CBFA2T2: variants seen among roughly 807,000 people sequenced by gnomAD.
CBFA2T2 encodes the protein protein CBFA2T2.
Under a neutral mutation model 62.2 loss-of-function variants are expected in CBFA2T2, and 11 were observed. The ratio of observed to expected loss-of-function variants is 0.18; its 90% CI spans 0.11 to 0.29. The LOEUF is 0.29. Among genes scored for constraint, CBFA2T2 ranks in the 10% least tolerant of loss-of-function variants. The pLI is 1.00. For synonymous variants in CBFA2T2, 295 were observed against 287.5 expected (o/e 1.03, Z -0.27); for missense variants, 592 against 774.1 (o/e 0.76, Z 2.79).
At chr20:33,536,810 G>C (rs1334787205) in intron 1 of CBFA2T2, among the ~76,000 whole-genome samples, 1 of 150,420 alleles carries the variant, frequency 6.6e-6, no homozygotes, top group Non-Finnish European at 1.5e-5. Context: ...TAGATGGGAT[G>C]GCGGCCGGGA....
At chr20:33,621,912 A>G (rs1447863506) in intron 4 of CBFA2T2, among the ~76,000 whole-genome samples, 2 of 152,164 alleles carry the variant, frequency 1.3e-5, no homozygotes, top group East Asian at 1.9e-4. Flanking sequence ...TGCTGGTTCT[A>G]TCTTGGTCTC....
Position 33,645,001 on chromosome 20 carries a change from C to A in CBFA2T2, c.*355C>A. Reference sequence around the variant, plus strand: ...CAGCAGACTGTCCAATGTGCTCAGCCAGGCTGGAGGCGGCAGGCGGCAGGC... The same window carrying A: ...CAGCAGACTGTCCAATGTGCTCAGCAAGGCTGGAGGCGGCAGGCGGCAGGC... On this transcript the variant is annotated 3_prime_UTR_variant, in exon 11 of 11. Transcript: ENST00000342704. 4.6e-6 allele frequency: 1 copy of A among 216,438 alleles called. No individual in the cohort carries two copies. 13.4% of individuals were successfully genotyped at this position (216,438 alleles called of 1,614,324 possible).
intron 1 of CBFA2T2, among the ~76,000 whole-genome samples, chr20:33,600,713 C>T (rs901301959): frequency 1.3e-5 from 2 of 152,056 alleles, no homozygotes; most frequent in African/African-American, 2.4e-5. Flanking sequence ...GCCTGGCCGT[C>T]GTACATGGTA....
At chr20:33,494,243 G>GTGTGTATATATATATATA (rs1491431819) in intron 1 of CBFA2T2, among the ~76,000 whole-genome samples, 1 of 30,306 alleles carries the variant, frequency 3.3e-5, no homozygotes, top group Admixed American at 7.5e-4. Flanking sequence ...ATATATATGT[G>GTGTGTATATATATATATA]TATATATATA....
intron 1 of CBFA2T2, among the ~76,000 whole-genome samples, chr20:33,585,742 T>C (rs2014335385): frequency 6.6e-6 from 1 of 152,236 alleles, no homozygotes; most frequent in South Asian, 2.1e-4. Context: ...AATTGGATAC[T>C]GGAACTAATG....
At chr20:33,595,776 TCGATCCA>T (rs980767892) in intron 1 of CBFA2T2, among the ~76,000 whole-genome samples, 1 of 150,778 alleles carries the variant, frequency 6.6e-6, no homozygotes, top group Non-Finnish European at 1.5e-5. Flanking sequence ...CTGAGCTGAC[TCGATCCA>T]CCTGCCTCAG....
intron 1 of CBFA2T2, among the ~76,000 whole-genome samples, chr20:33,593,641 C>T (rs1467447931): frequency 6.6e-6 from 1 of 152,078 alleles, no homozygotes. Context: ...GATCTGCCTG[C>T]CTCCGCCTCC....
intron 1 of CBFA2T2, among the ~76,000 whole-genome samples, chr20:33,545,612 A>G (rs2012541814): frequency 1.3e-5 from 2 of 152,110 alleles, no homozygotes; most frequent in Admixed American, 6.6e-5. Context: ...ATGCCTGGCT[A>G]ATTTTTTGTA....
In CBFA2T2 at chr20:33,646,858, CT is replaced by C; in HGVS notation, c.*2213del. On this transcript the variant is annotated 3_prime_UTR_variant, in exon 11 of 11. Transcript: ENST00000342704. Reference sequence around the variant, plus strand: ...CCTGGGCAACAGAGCAAAACTCTGTCTCAAAAAAAAAAAAAAAAAGGCAAAA... The same window carrying C: ...CCTGGGCAACAGAGCAAAACTCTGTCCAAAAAAAAAAAAAAAAAGGCAAAA... The C allele has an allele frequency of 7.7e-6, 1 of 130,582 alleles. No individual in the cohort carries two copies. The allele number at this position is 130,582 out of a possible 1,614,324, so 8.1% of individuals were successfully genotyped here.
intron 1 of CBFA2T2, among the ~76,000 whole-genome samples, chr20:33,577,010 A>G (rs1231966087): frequency 6.6e-6 from 1 of 152,246 alleles, no homozygotes; most frequent in East Asian, 1.9e-4. Context: ...GGAGCACTCC[A>G]TAATAGATGA....
intron 1 of CBFA2T2, among the ~76,000 whole-genome samples, chr20:33,537,456 G>C (rs1201088401): frequency 6.6e-6 from 1 of 152,204 alleles, no homozygotes; most frequent in East Asian, 1.9e-4. Context: ...AGCTTCGGCT[G>C]GGCATCAGAG....
chr20:33,566,092 T>C (rs2013300631), intron 1 of CBFA2T2, among the ~76,000 whole-genome samples: 1 of 152,130 alleles, frequency 6.6e-6, no homozygotes, highest in Admixed American at 6.6e-5. Flanking sequence ...CATTATTTTA[T>C]AGATAAAATA....
chr20:33,629,931 C>A lies in CBFA2T2; in HGVS notation c.1228+17C>A. On this transcript the variant is annotated intron_variant, in intron 8 of 10. Transcript: ENST00000342704. ...TCAGCAATGGTAAGGGGAGAGTCTA[C>A]GGGAAACCCAAAATAAATGTCAGCC... is the stretch of plus-strand genomic sequence containing the variant. 6.3e-7 allele frequency: 1 copy of A among 1,581,250 alleles called. No homozygotes were observed. Among genetic ancestry groups the A allele is most frequent in the Non-Finnish European group, 8.6e-7 (1 of 1,166,986 alleles).
chr20:33,636,860 C>T (rs1443556773), intron 9 of CBFA2T2, 152 bp downstream of exon 9: 2 of 590,546 alleles, frequency 3.4e-6, no homozygotes, highest in Non-Finnish European at 3.0e-6. Context: ...CCTGCTCTGG[C>T]TTGTCCTGCA....
At chr20:33,562,621 A>G (rs1251127849) in intron 1 of CBFA2T2, 3 of 985,530 alleles carry the variant, frequency 3.0e-6, no homozygotes, top group Non-Finnish European at 3.6e-6. Flanking sequence ...TATCTATTTC[A>G]AATAAATTTG....
chr20:33,623,558 A>AGTGT (rs2016080667), intron 5 of CBFA2T2, among the ~76,000 whole-genome samples: 1 of 136,336 alleles, frequency 7.3e-6, no homozygotes, highest in African/African-American at 2.9e-5. Flanking sequence ...ATGACCAGCT[A>AGTGT]ATGTTTGTTT....
At chr20:33,533,647 G>A (rs1338408973) in intron 1 of CBFA2T2, among the ~76,000 whole-genome samples, 3 of 151,986 alleles carry the variant, frequency 2.0e-5, no homozygotes, top group Non-Finnish European at 4.4e-5. Context: ...ATGGACATAT[G>A]CTTGCTTTTG....
intron 1 of CBFA2T2, among the ~76,000 whole-genome samples, chr20:33,564,943 G>A (rs1228619183): frequency 2.0e-5 from 3 of 151,728 alleles, no homozygotes; most frequent in Admixed American, 6.6e-5. Context: ...TTTTTGAGAC[G>A]GAGTCTCGCT....
chr20:33,583,115 C>G (rs533365031), intron 1 of CBFA2T2, among the ~76,000 whole-genome samples: 5 of 152,174 alleles, frequency 3.3e-5, no homozygotes, highest in African/African-American at 1.2e-4. Flanking sequence ...TTCTGTGTTG[C>G]TATATATTTA....
Sources: gnomAD v4.1 joint callset for allele counts (sites outside exome capture counted in the v4.1 genomes callset) on GRCh38, gnomAD v4.1.1 for gene constraint, MANE v1.5 for transcripts, NCBI Gene and HGNC (gene_info 2026-07-23, HGNC 2026-07-21) for gene names.